IMMP1L: variants seen among roughly 807,000 people sequenced by gnomAD.
IMMP1L encodes the protein inner mitochondrial membrane peptidase subunit 1, also known as mitochondrial inner membrane protease subunit 1.
Under a neutral mutation model 21.8 loss-of-function variants are expected in IMMP1L, and 24 were observed. The ratio of observed to expected loss-of-function variants is 1.10; its 90% confidence interval spans 0.80 to 1.55. IMMP1L has a LOEUF of 1.55. IMMP1L is among the 40% of genes most tolerant of loss of function. The probability of loss-of-function intolerance (pLI) is 0.00; values close to 1 mark genes in which losing one functional copy is unlikely to be tolerated. For missense variants in IMMP1L, 195 were observed against 200.7 expected (o/e 0.97, Z 0.17); for synonymous variants, 46 against 62.8 (o/e 0.73, Z 1.26).
At chr11:31,482,719 G>A (rs912069406) in intron 1 of IMMP1L, among the ~76,000 whole-genome samples, 1 of 151,954 alleles carries the variant, frequency 6.6e-6, no homozygotes, top group African/African-American at 2.4e-5. Flanking sequence ...GGAAACATGT[G>A]GAGCAACTAG....
intron 1 of IMMP1L, among the ~76,000 whole-genome samples, chr11:31,506,044 G>C (rs142804792): frequency 6.6e-6 from 1 of 152,148 alleles, no homozygotes; most frequent in African/African-American, 2.4e-5. Context: ...CCCCTGATCC[G>C]CACACTGTTC....
intron 1 of IMMP1L, among the ~76,000 whole-genome samples, chr11:31,494,224 C>A (rs1372253486): frequency 6.6e-6 from 1 of 152,246 alleles, no homozygotes; most frequent in African/African-American, 2.4e-5. Context: ...TTCCATATAT[C>A]CTCTGAAATC....
At chr11:31,442,752 CT>C (rs1010256557) in intron 4 of IMMP1L, among the ~76,000 whole-genome samples, 5 of 151,550 alleles carry the variant, frequency 3.3e-5, no homozygotes, top group Non-Finnish European at 4.4e-5. Flanking sequence ...TTTTAGAATC[CT>C]TTTTTTAATG....
At chr11:31,457,889 G>A (rs185896059) in intron 3 of IMMP1L, among the ~76,000 whole-genome samples, 58 of 152,234 alleles carry the variant, frequency 3.8e-4, no homozygotes, top group Non-Finnish European at 4.4e-5. Context: ...ATAATTTGGA[G>A]GCAACACAGT....
At chr11:31,442,404 A>G (rs978927363) in intron 4 of IMMP1L, among the ~76,000 whole-genome samples, 3 of 152,250 alleles carry the variant, frequency 2.0e-5, no homozygotes, top group African/African-American at 7.2e-5. Flanking sequence ...CTGATGAAAC[A>G]GTCCACAATA....
chr11:31,488,965 C>T (rs967270921), intron 1 of IMMP1L, among the ~76,000 whole-genome samples: 10 of 151,898 alleles, frequency 6.6e-5, no homozygotes, highest in African/African-American at 2.4e-4. Context: ...GGTGCAATCT[C>T]GGCTCACTGC....
At chr11:31,471,904 T>G (rs1218965514) in intron 1 of IMMP1L, among the ~76,000 whole-genome samples, 1 of 152,154 alleles carries the variant, frequency 6.6e-6, no homozygotes, top group Non-Finnish European at 1.5e-5. Flanking sequence ...ATCAAGACTG[T>G]TTCTTTCTAA....
intron 1 of IMMP1L, among the ~76,000 whole-genome samples, chr11:31,503,330 T>C (rs949438846): frequency 3.9e-5 from 6 of 152,150 alleles, no homozygotes; most frequent in African/African-American, 1.4e-4. Flanking sequence ...AAGCTTTTAG[T>C]ATAAGAAGGC....
Position 31,491,645 on chromosome 11 carries a change from T to C in IMMP1L, c.-30+17874A>G, listed in dbSNP as rs147604368. Among the ~76,000 whole-genome samples, 7 of 152,288 alleles carry C rather than the reference T, an allele frequency of 4.6e-5. No individual in the cohort carries two copies. In the East Asian group the frequency reaches 1.2e-3, roughly 25 times the overall value. On this transcript the variant is annotated intron_variant, in intron 1 of 5. Transcript: ENST00000532287. ...TGTTAAGCAAAGAAAAACCTATGAT[T>C]TGGAGATTTCTTAACCTATCTAAAT...
At chr11:31,438,765 A>G (rs1176900083) in intron 4 of IMMP1L, among the ~76,000 whole-genome samples, 2 of 152,034 alleles carry the variant, frequency 1.3e-5, no homozygotes, top group Non-Finnish European at 2.9e-5. Context: ...CATTTATTCA[A>G]TTGCCATATT....
chr11:31,505,429 G>A (rs996753265), intron 1 of IMMP1L, among the ~76,000 whole-genome samples: 70 of 152,170 alleles, frequency 4.6e-4, no homozygotes, highest in Non-Finnish European at 8.2e-4. Context: ...CAGATGATGA[G>A]AAAGAAGTAG....
In IMMP1L at chr11:31,456,390, AG is replaced by A; in HGVS notation, c.195-5del. ...TTTTGCAATCACAATGTCACCTCTG[AG>A]GGGGAAAAGTCAAAGAAATGTCTGT... is the stretch of plus-strand genomic sequence containing the variant. On this transcript the variant is annotated splice_polypyrimidine_tract_variant and splice_region_variant and intron_variant, in intron 3 of 5. Transcript: ENST00000532287. 6.2e-7 allele frequency: 1 copy of A among 1,608,188 alleles called. No homozygotes were observed. Among genetic ancestry groups the A allele is most frequent in the Non-Finnish European group, 8.5e-7 (1 of 1,176,102 alleles).
At chr11:31,494,367 C>T (rs1446508231) in intron 1 of IMMP1L, among the ~76,000 whole-genome samples, 1 of 152,230 alleles carries the variant, frequency 6.6e-6, no homozygotes, top group Admixed American at 6.5e-5. Flanking sequence ...ACCCTTTAAG[C>T]CATGGCTGGA....
At chr11:31,455,880 A>T (rs1223066) in intron 4 of IMMP1L, among the ~76,000 whole-genome samples, 13,321 of 152,086 alleles carry the variant, frequency 0.088, 1,605 homozygotes, top group African/African-American at 0.27. Context: ...TGTTATGATG[A>T]TGAAGATAAC....
At position 31,497,413 on chromosome 11, in the gene IMMP1L, CAA is replaced by C. The variant is rs1404959762; in HGVS notation, c.-30+12104_-30+12105del. Among the ~76,000 whole-genome samples, 17 of 150,486 alleles carry C rather than the reference CAA, an allele frequency of 1.1e-4. No individual in the cohort carries two copies. In the South Asian group the frequency reaches 2.9e-3, roughly 26 times the overall value. On this transcript the variant is annotated intron_variant, in intron 1 of 5. Coordinates refer to ENST00000532287, the MANE Select transcript of IMMP1L (RefSeq NM_001304274.2). ...GAATACAGGTTATTAGTGGTTGAAA[CAA>C]GAGAGAATAACAAGTTACTGCTTCT...
intron 1 of IMMP1L, among the ~76,000 whole-genome samples, chr11:31,488,426 A>G (rs1380060828): frequency 6.6e-6 from 1 of 152,190 alleles, no homozygotes; most frequent in Non-Finnish European, 1.5e-5. Flanking sequence ...AAAACAGACA[A>G]TATTAAAGTC....
At chr11:31,455,913 G>T (rs1449147025) in intron 4 of IMMP1L, among the ~76,000 whole-genome samples, 1 of 152,082 alleles carries the variant, frequency 6.6e-6, no homozygotes, top group Non-Finnish European at 1.5e-5. Context: ...GTGCCTGACA[G>T]GTTTCACCTC....
intron 1 of IMMP1L, among the ~76,000 whole-genome samples, chr11:31,478,166 T>C (rs1954783784): frequency 6.6e-6 from 1 of 152,210 alleles, no homozygotes; most frequent in East Asian, 1.9e-4. Flanking sequence ...CAGGGGACTA[T>C]CCATATGCAG....
chr11:31,484,439 G>C (rs1955002981), intron 1 of IMMP1L, among the ~76,000 whole-genome samples: 1 of 150,940 alleles, frequency 6.6e-6, no homozygotes, highest in Non-Finnish European at 1.5e-5. Context: ...TGTTCATATA[G>C]AAAAAAAAAT....
Sources: allele counts gnomAD v4.1 joint callset (sites outside exome capture counted in the v4.1 genomes callset), GRCh38; gene constraint gnomAD v4.1.1; transcripts MANE v1.5; gene names NCBI Gene and HGNC (gene_info 2026-07-23, HGNC 2026-07-21).